The following SPTBN5 variants were observed in gnomAD, a reference collection of about 807,000 sequenced individuals.
SPTBN5 encodes spectrin beta chain, non-erythrocytic 5.
A neutral mutation model predicts 477.6 loss-of-function variants in SPTBN5; 513 were observed. The ratio of observed to expected loss-of-function variants is 1.07; its 90% CI spans 1.00 to 1.16. The LOEUF (loss-of-function observed/expected upper bound fraction) is 1.16, where lower values mean the gene tolerates loss of function less well. Among genes scored for constraint, SPTBN5 ranks in the 50% most tolerant of loss-of-function variants. The probability of loss-of-function intolerance (pLI) is 0.00; values close to 1 mark genes in which losing one functional copy is unlikely to be tolerated. For missense variants in SPTBN5, 5,062 were observed against 4,731.8 expected (o/e 1.07, Z -2.05); for synonymous variants, 2,169 against 2,011.7 (o/e 1.08, Z -2.09).
intron 34 of SPTBN5, among the ~76,000 whole-genome samples, chr15:41,867,849 G>C (rs1490861669): frequency 6.6e-6 from 1 of 152,226 alleles, no homozygotes; most frequent in Non-Finnish European, 1.5e-5. Context: ...ACCAGCCTCT[G>C]GCCAACTTCC....
chr15:41,862,811 G>T lies in SPTBN5; in HGVS notation c.7242C>A (p.His2414Gln). The T allele has an allele frequency of 6.3e-7, 1 of 1,579,320 alleles. No individual in the cohort carries two copies. Residue 2414 changes from histidine to glutamine, a missense_variant, in exon 42 of 68, where the codon CAC (histidine) becomes CAA (glutamine). Physicochemically the swap from His to Gln is conservative, Grantham distance 24. Coordinates refer to ENST00000320955, the MANE Select transcript of SPTBN5 (RefSeq NM_016642.4). Reference protein sequence around the residue: ...RKHEELEREVHPIQAQVESLE... With the variant: ...RKHEELEREVQPIQAQVESLE... ...GCACCTCCACCTGGGCCTGGATGGG[G>T]TGCACTTCCCGCTCCAGCTCCTCGT... is the stretch of plus-strand genomic sequence containing the variant.
chr15:41,875,365 T>G (rs542561701), intron 22 of SPTBN5, 93 bp downstream of exon 22: 1 of 1,426,526 alleles, frequency 7.0e-7, no homozygotes, highest in South Asian at 1.4e-5. Context: ...AGAGCCAGGG[T>G]CAGCAGAACA....
rs2065867765 is a variant in SPTBN5, at chr15:41,854,302, A to G, written c.9619-97T>C. On this transcript the variant is annotated intron_variant, in intron 56 of 67. Transcript: ENST00000320955. ...CCTTCTGGGCCACCTCCTTTTGAAC[A>G]AGGAGGATCATGGGGCTTGATGTGT... 3 of 1,420,896 alleles carry G rather than the reference A, an allele frequency of 2.1e-6. No individual in the cohort carries two copies. The Admixed American group carries it at 6.6e-5, about 31-fold the overall frequency. The allele number at this position is 1,420,896 out of a possible 1,614,324, so 88.0% of individuals were successfully genotyped here.
rs771050996 is a variant in SPTBN5, at chr15:41,874,941, C to T, written c.4403G>A (p.Ser1468Asn). The T allele has an allele frequency of 3.7e-6, 6 of 1,613,538 alleles. No homozygotes were observed. Among genetic ancestry groups the T allele is most frequent in the Admixed American group, 1.7e-5 (1 of 60,022 alleles). The change falls in exon 23 of 68, where the codon AGC becomes AAC. Residue 1468 changes from serine to asparagine, a missense_variant. Transcript: ENST00000320955. ...AGCCATCTTGGCAGCCAGGGTCCGG[C>T]TCTCACTCTCCAGCTGTTGGTGCCG... ...QKRHQQLESE[S>N]RTLAAKMAAL...
Position 41,862,975 on chromosome 15 carries a change from C to A in SPTBN5, c.7150-72G>T, listed in dbSNP as rs1472676713. The A allele has an allele frequency of 6.6e-5, 91 of 1,381,298 alleles. No individual in the cohort carries two copies. In the South Asian group the frequency reaches 9.7e-4, roughly 15 times the overall value. 85.6% of individuals were successfully genotyped at this position (1,381,298 alleles called of 1,614,324 possible). ...TCCTCCTTCCTGGCAAAGGGCCCAA[C>A]CAGTGGCTTCTGTGTGCACAGCAAG... is the stretch of plus-strand genomic sequence containing the variant. On this transcript the variant is annotated intron_variant, in intron 41 of 67. Transcript: ENST00000320955.
At chr15:41,860,911 C>T (rs1476486994) in intron 46 of SPTBN5, among the ~76,000 whole-genome samples, 153 bp from the exon 47 acceptor site, 5 of 152,260 alleles carry the variant, frequency 3.3e-5, no homozygotes, top group Non-Finnish European at 7.3e-5. Flanking sequence ...AGGCTGTTTC[C>T]AGCTTTAGGA....
rs2065863565 is a variant in SPTBN5 at position 41,854,160 on chromosome 15, C to T, written c.9664G>A (p.Ala3222Thr). 2 of 1,598,190 alleles carry T rather than the reference C, an allele frequency of 1.3e-6. No individual in the cohort carries two copies. The highest frequency in any genetic ancestry group is 1.7e-5 in the Admixed American group (1 of 58,390). The change falls in exon 57 of 68, where the codon GCT (alanine) becomes ACT (threonine). Residue 3222 changes from alanine (A) to threonine (T), a missense_variant. Coordinates refer to ENST00000320955, the MANE Select transcript of SPTBN5 (RefSeq NM_016642.4). ...HEVHSFQQAA[A>T]ELQGRMQEKT... ...TCCTGCATCCTTCCCTGGAGCTCAGCTGCTGCCTGCTGAAAGCTGTGGACC... is the reference window on the plus strand; with the variant it reads ...TCCTGCATCCTTCCCTGGAGCTCAGTTGCTGCCTGCTGAAAGCTGTGGACC...
In SPTBN5 at chr15:41,863,686, C is replaced by T; in HGVS notation, c.7149+18G>A. On this transcript the variant is annotated intron_variant, in intron 41 of 67. Transcript: ENST00000320955. ...CATTTGCTCACAGCCCCCACCGGGA[C>T]CTCTTTCCACCACGTACCTTCTCCT... 3 of 1,603,226 alleles carry T rather than the reference C, an allele frequency of 1.9e-6. No individual in the cohort carries two copies. Among genetic ancestry groups the T allele is most frequent in the Non-Finnish European group, 2.6e-6 (3 of 1,171,148 alleles).
At position 41,853,695 on chromosome 15, in the gene SPTBN5, C is replaced by T. The variant is rs145124622; in HGVS notation, c.9867G>A (p.Leu3289=). Residue 3289 remains leucine, a synonymous_variant, in exon 58 of 68, where the codon CTG becomes CTA. Coordinates refer to ENST00000320955, the MANE Select transcript of SPTBN5 (RefSeq NM_016642.4). Reference sequence around the variant, plus strand: ...TGGCCCAGGCCTCCTGCACCTTGGCCAGGCCCCCCGGAGCTGCAGGATGTA... The same window carrying T: ...TGGCCCAGGCCTCCTGCACCTTGGCTAGGCCCCCCGGAGCTGCAGGATGTA... ...GQLHPAAPGG[L]AKVQEAWATL... is the part of the protein sequence containing the mutation. The T allele has an allele frequency of 9.5e-4, 1,528 of 1,600,676 alleles. No individual in the cohort carries two copies. The highest frequency in any genetic ancestry group is 4.5e-3 in the Middle Eastern group (27 of 6,044).
chr15:41,876,877 C>A lies in SPTBN5; in HGVS notation c.3783G>T (p.Gly1261=), dbSNP rs554939207. Residue 1261 remains glycine (G), a synonymous_variant, in exon 19 of 68, where the codon GGG becomes GGT. Coordinates refer to ENST00000320955, the MANE Select transcript of SPTBN5 (RefSeq NM_016642.4). The part of the protein sequence containing the change: ...REFGRLLSTL[G]PRAEALRAHG... ...GTGCCCGCAGAGCCTCTGCCCGAGG[C>A]CCCAGGGTGCTCAGGAGCCGCCCAA... The A allele has an allele frequency of 1.9e-6, 3 of 1,610,324 alleles. No homozygotes were observed. Among genetic ancestry groups the A allele is most frequent in the Non-Finnish European group, 2.5e-6 (3 of 1,179,816 alleles).
chr15:41,862,080 C>T (rs764419653), intron 44 of SPTBN5, 50 bp downstream of exon 44: 7 of 1,393,766 alleles, frequency 5.0e-6, no homozygotes, highest in African/African-American at 2.9e-5. Context: ...AAGGGGAGGG[C>T]AGGGCGGAGC....
rs2066316633 is a variant in SPTBN5, at chr15:41,866,452, C to T, written c.6522G>A (p.Glu2174=). 3 of 1,598,898 alleles carry T rather than the reference C, an allele frequency of 1.9e-6. No individual in the cohort carries two copies. Among genetic ancestry groups the T allele is most frequent in the Middle Eastern group, 3.3e-4 (2 of 6,008 alleles). ...CTCTCAGGTCCCCAGGAGGGACCGG[C>T]TCCTTCAGCTGCTGGGCCCACGCCT... ...WIQAWAQQLK[E]PVPPGDLRDK... The change falls in exon 37 of 68, where the codon GAG becomes GAA. Residue 2174 remains glutamate (E), a synonymous_variant. Coordinates refer to ENST00000320955, the MANE Select transcript of SPTBN5 (RefSeq NM_016642.4).
At chr15:41,886,414 C>T in intron 6 of SPTBN5, 48 bp from the exon 7 acceptor site, 3 of 1,515,740 alleles carry the variant, frequency 2.0e-6, no homozygotes, top group Non-Finnish European at 2.6e-6. Context: ...AGGGCAGGCC[C>T]TGGAATGGGC....
At position 41,875,192 on chromosome 15, in the gene SPTBN5, C is replaced by G. The variant is rs2066682991; in HGVS notation, c.4288-136G>C. ...TGTCCCCACCACTGCCAACCCTCGG[C>G]CAGAAGTGCCCAATCTTCCCCTGTT... On this transcript the variant is annotated intron_variant, in intron 22 of 67. Transcript: ENST00000320955. 15 of 918,220 alleles carry G rather than the reference C, an allele frequency of 1.6e-5. No homozygotes were observed. In the South Asian group the frequency reaches 2.3e-4, roughly 14 times the overall value. The allele number at this position is 918,220 out of a possible 1,614,324, so 56.9% of individuals were successfully genotyped here.
At position 41,854,097 on chromosome 15, in the gene SPTBN5, TGTGG is replaced by T; in HGVS notation, c.9723_9726del (p.His3242AlafsTer85). 6 of 1,583,220 alleles carry T rather than the reference TGTGG, an allele frequency of 3.8e-6. No homozygotes were observed. The highest frequency in any genetic ancestry group is 5.1e-6 in the Non-Finnish European group (6 of 1,166,020). On this transcript the variant is annotated frameshift_variant, in exon 57 of 68. Coordinates refer to ENST00000320955, the MANE Select transcript of SPTBN5 (RefSeq NM_016642.4). LOFTEE classifies it high-confidence loss of function. ...TGCAGGGTCCGCACAGATGACAGGC[TGTGG>T]CCTCCGTCCTCCCCCTTCATCAGGG...
chr15:41,882,176 G>A, intron 11 of SPTBN5, 31 bp from the exon 12 acceptor site: 4 of 1,528,320 alleles, frequency 2.6e-6, no homozygotes, highest in Non-Finnish European at 3.5e-6. Flanking sequence ...TGGTGTGGGT[G>A]AAGGGGCGCG....
In SPTBN5 at chr15:41,883,076, G is replaced by A; in HGVS notation, c.1812C>T (p.Gly604=). 1.3e-6 allele frequency: 2 copies of A among 1,593,822 alleles called. No homozygotes were observed. The highest frequency in any genetic ancestry group is 1.7e-5 in the Admixed American group (1 of 57,820). Residue 604 remains glycine, a synonymous_variant, in exon 9 of 68, where the codon GGC becomes GGT. Coordinates refer to ENST00000320955, the MANE Select transcript of SPTBN5 (RefSeq NM_016642.4). ...QQTAELDSSL[G]TSVEVLQAKA... ...TGGCCTGCAGCACCTCCACACTGGTGCCCAGGGAGGAGTCCAGCTCTGCTG... is the reference window on the plus strand; with the variant it reads ...TGGCCTGCAGCACCTCCACACTGGTACCCAGGGAGGAGTCCAGCTCTGCTG...
chr15:41,868,320 A>G (rs1206792424), intron 33 of SPTBN5, 78 bp downstream of exon 33: 2 of 1,562,718 alleles, frequency 1.3e-6, no homozygotes, highest in South Asian at 1.2e-5. Context: ...AGCATGGCAC[A>G]GTAGGACGGG....
Position 41,887,972 on chromosome 15 carries a change from G to T in SPTBN5, c.615C>A (p.Ser205Arg), listed in dbSNP as rs2067206248. The T allele has an allele frequency of 6.2e-7, 1 of 1,608,162 alleles. No individual in the cohort carries two copies. Residue 205 changes from serine to arginine, a missense_variant, in exon 5 of 68, where the codon AGC becomes AGA. Ser to Arg is a moderately radical substitution (Grantham distance 110). Coordinates refer to ENST00000320955, the MANE Select transcript of SPTBN5 (RefSeq NM_016642.4). ...CATTGAAGCCCAGCCCATCGCTCCA[G>T]CTTCGGGAGAAATCTGTAATGTTCA... ...TNVNITDFSR[S>R]WSDGLGFNAL...
Sources: gnomAD v4.1 joint callset for allele counts (sites outside exome capture counted in the v4.1 genomes callset) on GRCh38, gnomAD v4.1.1 for gene constraint, MANE v1.5 for transcripts, NCBI Gene and HGNC (gene_info 2026-07-23, HGNC 2026-07-21) for gene names.